SLC7A1: variants seen among roughly 807,000 people sequenced by gnomAD.
SLC7A1 encodes high affinity cationic amino acid transporter 1.
Under a neutral mutation model 53.9 loss-of-function variants are expected in SLC7A1, and 10 were observed. That is an observed-to-expected ratio of 0.19 (90% CI 0.11 to 0.31). The LOEUF is 0.31. Ranked by LOEUF, SLC7A1 falls within the 10% of genes least tolerant of loss-of-function variation. The probability of loss-of-function intolerance (pLI) is 1.00; values close to 1 mark genes in which losing one functional copy is unlikely to be tolerated. For synonymous variants in SLC7A1, 342 were observed against 338.7 expected, an observed-to-expected ratio of 1.01 and a Z score of -0.11; for missense variants, 525 against 827.2, an observed-to-expected ratio of 0.63 and a Z score of 4.48.
In SLC7A1 at chr13:29,595,647, C is replaced by G. The variant is rs1189028754; in HGVS notation, c.-346G>C. On this transcript the variant is annotated 5_prime_UTR_variant, in exon 1 of 13. Coordinates refer to ENST00000380752, the MANE Select transcript of SLC7A1 (RefSeq NM_003045.5). ...CTGCCTGCGCGGACTGAATGGGCGC[C>G]GAGGGCTGGCGGGTTCCGGCGCCAG... is the stretch of plus-strand genomic sequence containing the variant. The G allele has an allele frequency of 1.3e-5, 2 of 151,024 alleles. No individual in the cohort carries two copies. Among genetic ancestry groups the G allele is most frequent in the Non-Finnish European group, 3.0e-5 (2 of 67,642 alleles). The allele number at this position is 151,024 out of a possible 1,614,324, so 9.4% of individuals were successfully genotyped here.
intron 1 of SLC7A1, among the ~76,000 whole-genome samples, chr13:29,572,575 G>C (rs1211060138): frequency 6.6e-6 from 1 of 152,158 alleles, no homozygotes; most frequent in African/African-American, 2.4e-5. Context: ...AATATGAAGG[G>C]AATGAGCCCA....
chr13:29,562,241 A>T (rs1870791134), intron 1 of SLC7A1, among the ~76,000 whole-genome samples: 1 of 152,214 alleles, frequency 6.6e-6, no homozygotes, highest in Non-Finnish European at 1.5e-5. Context: ...TCTCCACGTG[A>T]GAATGTCAAT....
chr13:29,514,129 T>C lies in SLC7A1; in HGVS notation c.*351A>G. The C allele has an allele frequency of 3.7e-6, 1 of 269,816 alleles. No homozygotes were observed. Among genetic ancestry groups the C allele is most frequent in the South Asian group, 7.2e-5 (1 of 13,976 alleles). 16.7% of individuals were successfully genotyped at this position (269,816 alleles called of 1,614,324 possible). On this transcript the variant is annotated 3_prime_UTR_variant, in exon 13 of 13. Transcript: ENST00000380752. Reference sequence around the variant, plus strand: ...AACAGTCCCCGGGAGGAAGGCCTGGTTCCCAAGATAAGGAGAGAAGGTGAC... The same window carrying C: ...AACAGTCCCCGGGAGGAAGGCCTGGCTCCCAAGATAAGGAGAGAAGGTGAC...
At chr13:29,590,383 TATACAC>T (rs903597823) in intron 1 of SLC7A1, among the ~76,000 whole-genome samples, 23 of 152,110 alleles carry the variant, frequency 1.5e-4, no homozygotes, top group South Asian at 4.2e-4. Flanking sequence ...CACACATACA[TATACAC>T]ATACACATAC....
Position 29,523,252 on chromosome 13 carries a change from G to A in SLC7A1, c.1049+14C>T. 6 of 1,608,852 alleles carry A rather than the reference G, an allele frequency of 3.7e-6. No homozygotes were observed. Among genetic ancestry groups the A allele is most frequent in the Non-Finnish European group, 5.1e-6 (6 of 1,177,056 alleles). ...TCCACCCCTAGGAGCAGCCACCACA[G>A]AAAGGCCTCTCACCTGGCGGAAAGA... On this transcript the variant is annotated intron_variant, in intron 7 of 12. Transcript: ENST00000380752.
rs901635664 is a variant in SLC7A1, at chr13:29,544,873, G to A, written c.-14-8671C>T. Among the ~76,000 whole-genome samples, 7 of 151,182 alleles carry A rather than the reference G, an allele frequency of 4.6e-5. No individual in the cohort carries two copies. The South Asian group carries it at 1.3e-3, about 27-fold the overall frequency. The stretch of plus-strand genomic sequence containing the variant: ...GACATCGCACCTGCCTCATCGGGGG[G>A]GGGGGGCAAGCTCTTCCCACTGACT... On this transcript the variant is annotated intron_variant, in intron 2 of 12. Coordinates refer to ENST00000380752, the MANE Select transcript of SLC7A1 (RefSeq NM_003045.5).
intron 1 of SLC7A1, among the ~76,000 whole-genome samples, chr13:29,593,336 A>C (rs1872183578): frequency 6.6e-6 from 1 of 152,230 alleles, no homozygotes; most frequent in Non-Finnish European, 1.5e-5. Context: ...GGGGCCAACT[A>C]TACAGAAAAA....
At chr13:29,545,282 G>C (rs1869864647) in intron 2 of SLC7A1, among the ~76,000 whole-genome samples, 1 of 152,112 alleles carries the variant, frequency 6.6e-6, no homozygotes, top group Admixed American at 6.5e-5. Context: ...TCTCCTCACA[G>C]GTAACCTCTG....
chr13:29,579,310 C>G (rs1047846731), intron 1 of SLC7A1, among the ~76,000 whole-genome samples: 1 of 152,064 alleles, frequency 6.6e-6, no homozygotes, highest in Non-Finnish European at 1.5e-5. Flanking sequence ...GGCCAGGGAT[C>G]TGACACCAGG....
At chr13:29,562,039 A>G (rs772970655) in intron 1 of SLC7A1, among the ~76,000 whole-genome samples, 17 of 152,256 alleles carry the variant, frequency 1.1e-4, no homozygotes, top group Non-Finnish European at 2.1e-4. Context: ...ACTAGAAACC[A>G]AAACTGTCAA....
At chr13:29,548,930 C>T (rs1344477790) in intron 2 of SLC7A1, among the ~76,000 whole-genome samples, 2 of 152,222 alleles carry the variant, frequency 1.3e-5, no homozygotes, top group African/African-American at 2.4e-5. Flanking sequence ...TCCTGCCCTA[C>T]TCACAACCAC....
At chr13:29,591,091 C>T (rs2139196147) in intron 1 of SLC7A1, among the ~76,000 whole-genome samples, 2 of 152,222 alleles carry the variant, frequency 1.3e-5, no homozygotes, top group South Asian at 4.2e-4. Flanking sequence ...GCCTGGGTGA[C>T]AGAGTGTGAC....
intron 1 of SLC7A1, among the ~76,000 whole-genome samples, chr13:29,580,906 AG>A (rs993164739): frequency 6.6e-6 from 1 of 151,840 alleles, no homozygotes; most frequent in African/African-American, 2.4e-5. Flanking sequence ...CCAAAGTCAC[AG>A]GGTAAACTGC....
chr13:29,562,411 G>A (rs1169624807), intron 1 of SLC7A1, among the ~76,000 whole-genome samples: 1 of 152,214 alleles, frequency 6.6e-6, no homozygotes, highest in Admixed American at 6.5e-5. Flanking sequence ...TTCAAAATCT[G>A]AAACTTTGAG....
In SLC7A1 at chr13:29,530,458, C is replaced by T. The variant is rs1246232772; in HGVS notation, c.704+80G>A. The T allele has an allele frequency of 3.2e-6, 4 of 1,244,502 alleles. No individual in the cohort carries two copies. The Admixed American group carries it at 8.4e-5, about 26-fold the overall frequency. 77.1% of individuals were successfully genotyped at this position (1,244,502 alleles called of 1,614,324 possible). A position where few individuals can be genotyped will look rare whatever the true frequency, so the allele number is the denominator to read the frequency against. On this transcript the variant is annotated intron_variant, in intron 5 of 12. Transcript: ENST00000380752. ...ATAATGTTTTCTTAAAAGCACATGC[C>T]ATCCTAGCCAGTTATATCCCCCATA...
At chr13:29,557,248 TG>T (rs1162123590) in intron 1 of SLC7A1, among the ~76,000 whole-genome samples, 2 of 152,136 alleles carry the variant, frequency 1.3e-5, no homozygotes, top group African/African-American at 4.8e-5. Flanking sequence ...CAGGGGTACG[TG>T]GGGACTATAA....
intron 3 of SLC7A1, among the ~76,000 whole-genome samples, chr13:29,533,425 GA>G: frequency 6.6e-6 from 1 of 152,272 alleles, no homozygotes; most frequent in Non-Finnish European, 1.5e-5. Context: ...TGCTGCTTAG[GA>G]AGCCTCTTTT....
chr13:29,574,643 C>CTTTTTTT (rs60597221), intron 1 of SLC7A1, among the ~76,000 whole-genome samples: 1 of 121,922 alleles, frequency 8.2e-6, no homozygotes, highest in Non-Finnish European at 1.7e-5. Context: ...GCAGCTAATG[C>CTTTTTTT]TTTTTTTTTT....
At chr13:29,586,455 A>G (rs1871887176) in intron 1 of SLC7A1, among the ~76,000 whole-genome samples, 1 of 152,256 alleles carries the variant, frequency 6.6e-6, no homozygotes, top group African/African-American at 2.4e-5. Context: ...TATCTCATTA[A>G]GCTAACACGG....
Sources: allele counts gnomAD v4.1 joint callset (sites outside exome capture counted in the v4.1 genomes callset), GRCh38; gene constraint gnomAD v4.1.1; transcripts MANE v1.5; gene names NCBI Gene and HGNC (gene_info 2026-07-23, HGNC 2026-07-21).